ZBTB20: variants seen among roughly 807,000 people sequenced by gnomAD.
ZBTB20 encodes the protein zinc finger and BTB domain containing 20.
Under a neutral mutation model 56.9 loss-of-function variants are expected in ZBTB20, and 9 were observed. The observed-to-expected ratio is 0.16, with a 90% CI of 0.10 to 0.28. The LOEUF (loss-of-function observed/expected upper bound fraction) is 0.28, where lower values mean the gene tolerates loss of function less well. ZBTB20 is among the 10% of genes least tolerant of loss of function. ZBTB20 has a pLI of 1.00. For missense variants in ZBTB20, 655 were observed against 1,003.0 expected (o/e 0.65, Z 4.69); for synonymous variants, 417 against 420.7 (o/e 0.99, Z 0.11).
intron 5 of ZBTB20, among the ~76,000 whole-genome samples, chr3:114,772,216 C>T (rs182863667): frequency 7.8e-4 from 119 of 152,200 alleles, no homozygotes; most frequent in African/African-American, 2.5e-3. Context: ...TGGCACACAC[C>T]TGTAGTCCCA....
At chr3:114,752,054 C>T (rs2067604482) in intron 5 of ZBTB20, among the ~76,000 whole-genome samples, 1 of 152,132 alleles carries the variant, frequency 6.6e-6, no homozygotes, top group African/African-American at 2.4e-5. Context: ...TTGAACTCTA[C>T]TATGTGCCAG....
intron 6 of ZBTB20, among the ~76,000 whole-genome samples, chr3:114,636,445 T>A (rs903734543): frequency 6.6e-6 from 1 of 152,016 alleles, no homozygotes; most frequent in Admixed American, 6.6e-5. Context: ...GGTATAAACA[T>A]TAAAAGACAA....
At chr3:114,665,347 A>G (rs1049015127) in intron 6 of ZBTB20, among the ~76,000 whole-genome samples, 8 of 152,032 alleles carry the variant, frequency 5.3e-5, no homozygotes, top group African/African-American at 1.7e-4. Flanking sequence ...TATAGCCTAT[A>G]TGTTAGTAGT....
At chr3:114,919,724 A>C (rs2075885929) in intron 3 of ZBTB20, among the ~76,000 whole-genome samples, 1 of 152,070 alleles carries the variant, frequency 6.6e-6, no homozygotes. Flanking sequence ...AAAGAACTAC[A>C]AAACAGTCAG....
At chr3:114,505,138 C>T (rs1440517710) in intron 6 of ZBTB20, among the ~76,000 whole-genome samples, 1 of 152,062 alleles carries the variant, frequency 6.6e-6, no homozygotes, top group Non-Finnish European at 1.5e-5. Flanking sequence ...AACCACTTGC[C>T]AGCTGAGGTA....
intron 3 of ZBTB20, among the ~76,000 whole-genome samples, chr3:114,933,245 A>G (rs1398580031): frequency 2.6e-5 from 4 of 152,206 alleles, no homozygotes; most frequent in South Asian, 2.1e-4. Flanking sequence ...ATTTGGGGGT[A>G]GTTTGTTACA....
chr3:114,407,094 A>G (rs6792964), intron 7 of ZBTB20, among the ~76,000 whole-genome samples: 31,492 of 152,122 alleles, frequency 0.21, 4,337 homozygotes, highest in African/African-American at 0.38. Flanking sequence ...CCCACTAGCC[A>G]CTGCCATAGC....
At chr3:115,088,125 T>C (rs2083054611) in intron 1 of ZBTB20, among the ~76,000 whole-genome samples, 1 of 151,914 alleles carries the variant, frequency 6.6e-6, no homozygotes, top group African/African-American at 2.4e-5. Context: ...ACAGGATTTT[T>C]CCTGTGGAGC....
intron 5 of ZBTB20, chr3:114,792,180 T>C (rs1229584358): frequency 6.6e-6 from 1 of 152,188 alleles, no homozygotes; most frequent in Non-Finnish European, 1.5e-5. Flanking sequence ...CAAAATTCCT[T>C]TGAGAACAAA....
intron 3 of ZBTB20, among the ~76,000 whole-genome samples, chr3:114,908,991 AT>A (rs1205332484): frequency 2.0e-5 from 3 of 152,030 alleles, no homozygotes; most frequent in African/African-American, 7.2e-5. Flanking sequence ...ATGAAAAAAA[AT>A]AAAGACAAAA....
intron 6 of ZBTB20, 43 bp from the exon 7 acceptor site, chr3:114,500,434 A>T (rs1440898901): frequency 4.6e-5 from 7 of 152,234 alleles, no homozygotes; most frequent in Admixed American, 4.6e-4. Flanking sequence ...GCAAACCGAT[A>T]TATGATGCAA....
At chr3:114,578,766 C>G (rs563269796) in intron 6 of ZBTB20, among the ~76,000 whole-genome samples, 1 of 151,332 alleles carries the variant, frequency 6.6e-6, no homozygotes, top group African/African-American at 2.4e-5. Flanking sequence ...ATATGTATTA[C>G]CCAAGGTCCT....
intron 6 of ZBTB20, among the ~76,000 whole-genome samples, chr3:114,687,033 A>G (rs1578341662): frequency 6.6e-6 from 1 of 152,204 alleles, no homozygotes; most frequent in Non-Finnish European, 1.5e-5. Context: ...CTAAAACTCC[A>G]TGAGGGAAAT....
At position 114,704,231 on chromosome 3, in the gene ZBTB20, G is replaced by A. The variant is rs570769411; in HGVS notation, c.-342-10656C>T. ...AACTCTTTTATTACAAAGACTTCAAGCAATAATGAAATGGTGCTGATCTGC... is the reference window on the plus strand; with the variant it reads ...AACTCTTTTATTACAAAGACTTCAAACAATAATGAAATGGTGCTGATCTGC... On this transcript the variant is annotated intron_variant, in intron 5 of 11. Coordinates refer to ENST00000675478, the MANE Select transcript of ZBTB20 (RefSeq NM_001348800.3). Among the ~76,000 whole-genome samples, 3 of 152,172 alleles carry A rather than the reference G, an allele frequency of 2.0e-5. No individual in the cohort carries two copies. The East Asian group carries it at 5.8e-4, about 29-fold the overall frequency.
At chr3:114,497,559 C>T (rs1480328970) in intron 7 of ZBTB20, among the ~76,000 whole-genome samples, 8 of 152,162 alleles carry the variant, frequency 5.3e-5, no homozygotes, top group Admixed American at 2.6e-4. Flanking sequence ...TGGTAAACTG[C>T]AATTTACTCT....
intron 7 of ZBTB20, among the ~76,000 whole-genome samples, chr3:114,415,985 T>C (rs1576658459): frequency 1.3e-5 from 2 of 152,078 alleles, no homozygotes; most frequent in African/African-American, 2.4e-5. Flanking sequence ...AGTTGGGATA[T>C]GAAAATTACA....
At chr3:114,522,054 C>A (rs2046701581) in intron 6 of ZBTB20, among the ~76,000 whole-genome samples, 1 of 151,986 alleles carries the variant, frequency 6.6e-6, no homozygotes, top group South Asian at 2.1e-4. Context: ...CCGAAAAAAA[C>A]CTCACAATCA....
chr3:115,069,254 A>G (rs2082317467), intron 2 of ZBTB20, among the ~76,000 whole-genome samples: 1 of 152,166 alleles, frequency 6.6e-6, no homozygotes, highest in Admixed American at 6.6e-5. Flanking sequence ...CTACCACACA[A>G]CTATTCTAGC....
At chr3:114,902,353 C>T (rs1369485512) in intron 3 of ZBTB20, among the ~76,000 whole-genome samples, 1 of 152,130 alleles carries the variant, frequency 6.6e-6, no homozygotes, top group Non-Finnish European at 1.5e-5. Flanking sequence ...GGCACTGCAA[C>T]GTGCTAACAG....
Sources: gnomAD v4.1 joint callset for allele counts (sites outside exome capture counted in the v4.1 genomes callset) on GRCh38, gnomAD v4.1.1 for gene constraint, MANE v1.5 for transcripts, NCBI Gene and HGNC (gene_info 2026-07-23, HGNC 2026-07-21) for gene names.